The following CADPS2 variants were observed in gnomAD, a reference collection of about 807,000 sequenced individuals.
CADPS2 encodes the protein calcium-dependent secretion activator 2.
In CADPS2, 93 loss-of-function variants were observed where a neutral mutation model predicts 172.5. The ratio of observed to expected loss-of-function variants is 0.54; its 90% confidence interval spans 0.46 to 0.64. The LOEUF (loss-of-function observed/expected upper bound fraction) is 0.64. Among genes scored for constraint, CADPS2 ranks in the 30% least tolerant of loss-of-function variants. CADPS2 has a pLI of 0.00. For missense variants in CADPS2, 1,420 were observed against 1,565.9 expected (o/e 0.91, Z 1.57); for synonymous variants, 546 against 555.2 (o/e 0.98, Z 0.23).
chr7:122,851,220 GAAGGA>G (rs1346657259), intron 1 of CADPS2, among the ~76,000 whole-genome samples: 2 of 152,230 alleles, frequency 1.3e-5, no homozygotes, highest in Non-Finnish European at 2.9e-5. Flanking sequence ...GATGTCTACA[GAAGGA>G]AAGAGGGAAG....
chr7:122,442,360 C>T (rs2151967324), intron 15 of CADPS2, among the ~76,000 whole-genome samples: 1 of 152,258 alleles, frequency 6.6e-6, no homozygotes, highest in Middle Eastern at 3.4e-3. Context: ...CTTTGCTGAA[C>T]CAGATTCAGC....
intron 24 of CADPS2, among the ~76,000 whole-genome samples, chr7:122,383,258 A>G (rs2043230681): frequency 6.6e-6 from 1 of 152,036 alleles, no homozygotes; most frequent in African/African-American, 2.4e-5. Flanking sequence ...GCATGTTCTC[A>G]CTTATAAGTG....
intron 27 of CADPS2, among the ~76,000 whole-genome samples, chr7:122,346,740 C>A (rs1243293489): frequency 1.3e-5 from 2 of 152,180 alleles, no homozygotes; most frequent in African/African-American, 2.4e-5. Flanking sequence ...AATACAATTT[C>A]TCCTTGCTAT....
intron 2 of CADPS2, among the ~76,000 whole-genome samples, chr7:122,715,224 C>T (rs1254027162): frequency 1.3e-5 from 2 of 152,090 alleles, no homozygotes; most frequent in African/African-American, 2.4e-5. Flanking sequence ...AGTTTTCATA[C>T]CGATATACAG....
Position 122,490,101 on chromosome 7 carries a change from A to G in CADPS2, c.1832T>C (p.Leu611Pro), listed in dbSNP as rs1205076394. The G allele has an allele frequency of 1.2e-6, 2 of 1,613,384 alleles. No individual in the cohort carries two copies. Among genetic ancestry groups the G allele is most frequent in the South Asian group, 2.2e-5 (2 of 91,080 alleles). ...TQKLNPKGGT[L>P]HADAQLSGKD... ...CTTACAAAGCTGAGCATCTGCATGG[A>G]GAGTTCCTCCTTTAGGATTCAGTTT... Residue 611 changes from leucine (L) to proline (P), a missense_variant, in exon 11 of 30, where the codon CTC becomes CCC. Physicochemically the swap from Leu to Pro is moderately conservative, Grantham distance 98 (BLOSUM62 -3). Transcript: ENST00000449022.
intron 20 of CADPS2, among the ~76,000 whole-genome samples, chr7:122,400,269 C>G (rs1382074728): frequency 6.6e-6 from 1 of 151,628 alleles, no homozygotes; most frequent in Non-Finnish European, 1.5e-5. Context: ...AACTCCATCT[C>G]TACCAAAAAT....
chr7:122,782,638 T>C (rs1056068308), intron 1 of CADPS2, among the ~76,000 whole-genome samples: 1 of 152,060 alleles, frequency 6.6e-6, no homozygotes, highest in Non-Finnish European at 1.5e-5. Flanking sequence ...CAACAAAAAA[T>C]TGAGTTTTAA....
intron 24 of CADPS2, among the ~76,000 whole-genome samples, chr7:122,380,927 C>T (rs77299929): frequency 5.9e-4 from 90 of 151,848 alleles, no homozygotes; most frequent in Middle Eastern, 6.8e-3. Context: ...AGAAGGAAAA[C>T]GGGAGAGAAA....
At chr7:122,470,226 A>G (rs748521534) in intron 14 of CADPS2, among the ~76,000 whole-genome samples, 9 of 152,172 alleles carry the variant, frequency 5.9e-5, no homozygotes, top group Non-Finnish European at 1.2e-4. Context: ...GTAAATTCAC[A>G]TACATAGGCC....
At chr7:122,361,243 T>TC (rs1164203111) in intron 25 of CADPS2, among the ~76,000 whole-genome samples, 4 of 138,646 alleles carry the variant, frequency 2.9e-5, no homozygotes, top group African/African-American at 1.2e-4. Flanking sequence ...TTTTTTTTTT[T>TC]TTTAAAATGA....
chr7:122,635,120 T>C (rs1481424659), intron 3 of CADPS2, among the ~76,000 whole-genome samples: 1 of 152,140 alleles, frequency 6.6e-6, no homozygotes, highest in African/African-American at 2.4e-5. Context: ...GAATGTATAT[T>C]CTGTGATTGT....
At chr7:122,612,514 A>G (rs1379067185) in intron 6 of CADPS2, among the ~76,000 whole-genome samples, 1 of 152,094 alleles carries the variant, frequency 6.6e-6, no homozygotes, top group Non-Finnish European at 1.5e-5. Flanking sequence ...TGAAAACTAC[A>G]AGACATTGTT....
chr7:122,442,024 A>AT (rs1188728621), intron 15 of CADPS2, among the ~76,000 whole-genome samples: 1 of 152,126 alleles, frequency 6.6e-6, no homozygotes, highest in Non-Finnish European at 1.5e-5. Flanking sequence ...CTTTGCTGAC[A>AT]TTTGCCTGTC....
chr7:122,453,692 T>G (rs1487082861), intron 14 of CADPS2, among the ~76,000 whole-genome samples: 2 of 152,192 alleles, frequency 1.3e-5, no homozygotes, highest in Non-Finnish European at 2.9e-5. Context: ...GAGTAAACTT[T>G]TCTATTTTGT....
At chr7:122,494,573 A>G (rs1252035238) in intron 9 of CADPS2, among the ~76,000 whole-genome samples, 3 of 151,458 alleles carry the variant, frequency 2.0e-5, no homozygotes, top group Non-Finnish European at 4.4e-5. Context: ...ATTAAAATAT[A>G]TATTAAAATA....
At chr7:122,538,145 G>GT (rs1194272538) in intron 8 of CADPS2, among the ~76,000 whole-genome samples, 1 of 77,844 alleles carries the variant, frequency 1.3e-5, no homozygotes, top group African/African-American at 5.0e-5. Context: ...TACAAATTCA[G>GT]TAAAAAAAAA....
At chr7:122,504,270 C>T (rs1174966196) in intron 9 of CADPS2, among the ~76,000 whole-genome samples, 1 of 152,148 alleles carries the variant, frequency 6.6e-6, no homozygotes, top group African/African-American at 2.4e-5. Flanking sequence ...ACAATGCATG[C>T]CTGTTACACA....
At chr7:122,462,691 T>A (rs1468774750) in intron 14 of CADPS2, among the ~76,000 whole-genome samples, 1 of 152,238 alleles carries the variant, frequency 6.6e-6, no homozygotes, top group South Asian at 2.1e-4. Flanking sequence ...TAAACACTCA[T>A]CAAAAGAAAG....
chr7:122,398,025 C>T (rs915083566), intron 20 of CADPS2, among the ~76,000 whole-genome samples: 2 of 152,104 alleles, frequency 1.3e-5, no homozygotes, highest in East Asian at 3.9e-4. Flanking sequence ...TGACATCGAG[C>T]CCTATGGTAC....
Sources: gnomAD v4.1 joint callset for allele counts (sites outside exome capture counted in the v4.1 genomes callset) on GRCh38, gnomAD v4.1.1 for gene constraint, MANE v1.5 for transcripts, NCBI Gene and HGNC (gene_info 2026-07-23, HGNC 2026-07-21) for gene names.